The following ARL14EPL variants were observed in gnomAD, a reference collection of about 807,000 sequenced individuals.
ARL14EPL encodes ARF like GTPase 14 effector protein like.
A neutral mutation model predicts 15.9 loss-of-function variants in ARL14EPL; 17 were observed. That is an observed-to-expected ratio of 1.07 (90% CI 0.73 to 1.60). The LOEUF (loss-of-function observed/expected upper bound fraction) is 1.60, where lower values mean the gene tolerates loss of function less well. ARL14EPL is among the 40% of genes most tolerant of loss of function. The pLI, the probability that ARL14EPL is intolerant of heterozygous loss-of-function variation, is 0.00. For synonymous variants in ARL14EPL, 78 were observed against 63.8 expected (o/e 1.22, Z -1.06); for missense variants, 214 against 185.9 (o/e 1.15, Z -0.88).
At chr5:116,054,604 G>T (rs1203570824) in intron 3 of ARL14EPL, among the ~76,000 whole-genome samples, 1 of 152,132 alleles carries the variant, frequency 6.6e-6, no homozygotes, top group Admixed American at 6.5e-5. Flanking sequence ...GGCCAAAGTG[G>T]GTGGATCACT....
intron 3 of ARL14EPL, among the ~76,000 whole-genome samples, chr5:116,055,750 A>C (rs1749502145): frequency 6.6e-6 from 1 of 151,930 alleles, no homozygotes; most frequent in African/African-American, 2.4e-5. Context: ...TGCACCCATT[A>C]ACTCCTCATT....
At chr5:116,051,349 G>T in intron 1 of ARL14EPL, 108 bp from the exon 2 acceptor site, 1 of 731,442 alleles carries the variant, frequency 1.4e-6, no homozygotes, top group South Asian at 1.9e-5. Context: ...ATACAGTCTG[G>T]TTTTGAATAA....
At chr5:116,035,917 T>C (rs1749041970) in intron 1 of ARL14EPL, among the ~76,000 whole-genome samples, 1 of 152,152 alleles carries the variant, frequency 6.6e-6, no homozygotes, top group Non-Finnish European at 1.5e-5. Flanking sequence ...ATTGCTGGGG[T>C]GATACCGACG....
intron 1 of ARL14EPL, among the ~76,000 whole-genome samples, chr5:116,041,065 A>G (rs1442075024): frequency 6.6e-6 from 1 of 151,118 alleles, no homozygotes; most frequent in Non-Finnish European, 1.5e-5. Context: ...AGTAAAATTG[A>G]ACAAAAAGCA....
chr5:116,051,289 T>G, intron 1 of ARL14EPL, 168 bp from the exon 2 acceptor site: 3 of 519,648 alleles, frequency 5.8e-6, no homozygotes, highest in Non-Finnish European at 1.0e-5. Flanking sequence ...TCTGGGGGAG[T>G]CAGAGGCAAG....
At chr5:116,055,440 A>T (rs1459895094) in intron 3 of ARL14EPL, among the ~76,000 whole-genome samples, 2 of 152,194 alleles carry the variant, frequency 1.3e-5, no homozygotes, top group East Asian at 3.8e-4. Flanking sequence ...AAAGATAAAT[A>T]ACTTGTGGTA....
intron 2 of ARL14EPL, among the ~76,000 whole-genome samples, chr5:116,053,738 C>A (rs927836248): frequency 6.6e-6 from 1 of 152,100 alleles, no homozygotes; most frequent in Non-Finnish European, 1.5e-5. Context: ...TGGCGTTTTG[C>A]GGTTTTAAAA....
In ARL14EPL at chr5:116,047,082, T is replaced by C. The variant is rs565367686; in HGVS notation, c.-9-4375T>C. On this transcript the variant is annotated intron_variant, in intron 1 of 3. Coordinates refer to ENST00000686077, the MANE Select transcript of ARL14EPL (RefSeq NM_001195581.2). ...CACCTTGATCTTGGACATCCCAGCC[T>C]CTAGAGATACGAGAAATAAATGTCT... Among the ~76,000 whole-genome samples the C allele has an allele frequency of 2.4e-4, 37 of 152,338 alleles. No individual in the cohort carries two copies. In the South Asian group the frequency reaches 7.7e-3, roughly 32 times the overall value.
chr5:116,049,568 G>A (rs1391639842), intron 1 of ARL14EPL, among the ~76,000 whole-genome samples: 1 of 152,142 alleles, frequency 6.6e-6, no homozygotes, highest in Non-Finnish European at 1.5e-5. Flanking sequence ...ACTGAGGTTT[G>A]GATTATGATG....
At position 116,059,238 on chromosome 5, in the gene ARL14EPL, C is replaced by G; in HGVS notation, c.*291C>G. 1 of 317,376 alleles carries G rather than the reference C, an allele frequency of 3.2e-6. No individual in the cohort carries two copies. The highest frequency in any genetic ancestry group is 4.9e-5 in the South Asian group (1 of 20,382). 19.7% of individuals were successfully genotyped at this position (317,376 alleles called of 1,614,324 possible). On this transcript the variant is annotated 3_prime_UTR_variant, in exon 4 of 4. Coordinates refer to ENST00000686077, the MANE Select transcript of ARL14EPL (RefSeq NM_001195581.2). ...CTGCCTTCAAATTAAAACTCTCTTC[C>G]CTCTTTGCTGATATCTGAGAAAATG...
At chr5:116,053,674 C>G (rs542815145) in intron 2 of ARL14EPL, among the ~76,000 whole-genome samples, 5 of 152,174 alleles carry the variant, frequency 3.3e-5, no homozygotes, top group Admixed American at 3.3e-4. Context: ...TTCATCCTTA[C>G]CCACATCAAA....
chr5:116,035,193 C>T (rs1050534969), intron 1 of ARL14EPL, among the ~76,000 whole-genome samples: 9 of 152,036 alleles, frequency 5.9e-5, no homozygotes, highest in Non-Finnish European at 1.5e-5. Context: ...GACCATGTCT[C>T]AAGCTGGTCA....
At position 116,035,791 on chromosome 5, in the gene ARL14EPL, A is replaced by C. The variant is rs956075475; in HGVS notation, c.-10+3286A>C. Among the ~76,000 whole-genome samples, 4 of 152,184 alleles carry C rather than the reference A, an allele frequency of 2.6e-5. No homozygotes were observed. In the South Asian group the frequency reaches 8.3e-4, roughly 32 times the overall value. On this transcript the variant is annotated intron_variant, in intron 1 of 3. Transcript: ENST00000686077. ...AGCTGGACTCAGACCTCTGAGGAGGAGGCTCTGGCCAGCTGCCGCTGGTAT... is the reference window on the plus strand; with the variant it reads ...AGCTGGACTCAGACCTCTGAGGAGGCGGCTCTGGCCAGCTGCCGCTGGTAT...
At chr5:116,058,616 C>A in intron 3 of ARL14EPL, 109 bp from the exon 4 acceptor site, 11 of 1,039,198 alleles carry the variant, frequency 1.1e-5, no homozygotes, top group Non-Finnish European at 1.5e-5. Context: ...CTCTGGAGTT[C>A]TGGGTCAGGG....
At chr5:116,054,748 T>C (rs1185560314) in intron 3 of ARL14EPL, among the ~76,000 whole-genome samples, 1 of 152,030 alleles carries the variant, frequency 6.6e-6, no homozygotes, top group Non-Finnish European at 1.5e-5. Context: ...GGTGAATCGC[T>C]TGAACCCAGG....
chr5:116,055,995 G>T (rs560887329), intron 3 of ARL14EPL, among the ~76,000 whole-genome samples: 1 of 152,136 alleles, frequency 6.6e-6, no homozygotes, highest in Non-Finnish European at 1.5e-5. Flanking sequence ...TTTTATGGTT[G>T]CATAGTATTC....
At chr5:116,038,484 G>A (rs370130175) in intron 1 of ARL14EPL, among the ~76,000 whole-genome samples, 5 of 152,124 alleles carry the variant, frequency 3.3e-5, no homozygotes, top group African/African-American at 7.2e-5. Flanking sequence ...GGAAGGATGC[G>A]GTGACAACGA....
chr5:116,046,644 T>C (rs1329731055), intron 1 of ARL14EPL, among the ~76,000 whole-genome samples: 3 of 152,174 alleles, frequency 2.0e-5, no homozygotes, highest in African/African-American at 2.4e-5. Context: ...ATGGCTCCTA[T>C]GTATAAGCCA....
intron 2 of ARL14EPL, chr5:116,052,350 A>T: frequency 1.2e-6 from 1 of 861,544 alleles, no homozygotes; most frequent in Non-Finnish European, 2.0e-6. Flanking sequence ...AAAAGCTACA[A>T]ATGTTTTTAT....
Sources: gnomAD v4.1 joint callset for allele counts (sites outside exome capture counted in the v4.1 genomes callset) on GRCh38, gnomAD v4.1.1 for gene constraint, MANE v1.5 for transcripts, NCBI Gene and HGNC (gene_info 2026-07-23, HGNC 2026-07-21) for gene names.